The following PDE3B variants were observed in gnomAD, a reference collection of about 807,000 sequenced individuals.
The protein encoded by PDE3B is phosphodiesterase 3B.
Under a neutral mutation model 116.8 loss-of-function variants are expected in PDE3B, and 66 were observed. The ratio of observed to expected loss-of-function variants is 0.56; its 90% CI spans 0.46 to 0.69. The LOEUF (loss-of-function observed/expected upper bound fraction) is 0.69, where lower values mean the gene tolerates loss of function less well. PDE3B is among the 30% of genes least tolerant of loss of function. The pLI is 0.00. For synonymous variants in PDE3B, 595 were observed against 533.6 expected (o/e 1.12, Z -1.59); for missense variants, 1,384 against 1,368.1 (o/e 1.01, Z -0.18).
intron 4 of PDE3B, among the ~76,000 whole-genome samples, chr11:14,796,124 T>C (rs562925153): frequency 6.6e-6 from 1 of 152,140 alleles, no homozygotes; most frequent in South Asian, 2.1e-4. Flanking sequence ...GAACATGTGG[T>C]GTTTGGTTTT....
intron 12 of PDE3B, among the ~76,000 whole-genome samples, chr11:14,851,973 G>A (rs906026002): frequency 4.6e-5 from 7 of 152,198 alleles, no homozygotes; most frequent in African/African-American, 1.7e-4. Context: ...GTTTTATACT[G>A]TTTCTGATGG....
At chr11:14,852,585 G>A (rs1288718752) in intron 12 of PDE3B, among the ~76,000 whole-genome samples, 2 of 152,138 alleles carry the variant, frequency 1.3e-5, no homozygotes, top group Non-Finnish European at 2.9e-5. Flanking sequence ...TCATTGTTAC[G>A]AATTGCCATT....
chr11:14,759,015 A>T (rs1300144606), intron 1 of PDE3B, among the ~76,000 whole-genome samples: 1 of 152,012 alleles, frequency 6.6e-6, no homozygotes, highest in African/African-American at 2.4e-5. Context: ...TTCTGCATCT[A>T]TTGAGATAGT....
chr11:14,845,893 G>C (rs185609526), intron 12 of PDE3B, among the ~76,000 whole-genome samples: 1 of 152,238 alleles, frequency 6.6e-6, no homozygotes, highest in Non-Finnish European at 1.5e-5. Flanking sequence ...GGGGAGAATG[G>C]AACCAAGATG....
chr11:14,850,087 C>A (rs541195165), intron 12 of PDE3B, among the ~76,000 whole-genome samples: 36 of 152,156 alleles, frequency 2.4e-4, no homozygotes, highest in African/African-American at 8.7e-4. Context: ...TGGAACCGAC[C>A]CAAATGTCCA....
In PDE3B at chr11:14,652,399, T is replaced by C. The variant is rs11827484; in HGVS notation, c.978+7346T>C. Among the ~76,000 whole-genome samples, 435 of 152,292 alleles carry C rather than the reference T, an allele frequency of 2.9e-3. 4 individuals are homozygous for C. The highest frequency in any genetic ancestry group is 8.2e-3 in the African/African-American group (342 of 41,582). On this transcript the variant is annotated intron_variant, in intron 1 of 15. Transcript: ENST00000282096. Reference sequence around the variant, plus strand: ...GATTATTGTATCTTTTAGTAAGTTTTGAAATCATGAAGTTTGAGACCTCAA... The same window carrying C: ...GATTATTGTATCTTTTAGTAAGTTTCGAAATCATGAAGTTTGAGACCTCAA...
At position 14,789,367 on chromosome 11, in the gene PDE3B, A is replaced by G. The variant is rs1858315792; in HGVS notation, c.1415+125A>G. 1.4e-5 allele frequency: 9 copies of G among 644,878 alleles called. No homozygotes were observed. In the South Asian group the frequency reaches 1.5e-4, roughly 11 times the overall value. 39.9% of individuals were successfully genotyped at this position (644,878 alleles called of 1,614,324 possible). On this transcript the variant is annotated intron_variant, in intron 4 of 15. Coordinates refer to ENST00000282096, the MANE Select transcript of PDE3B (RefSeq NM_000922.4). ...TGAAGTATTTTAGGTATAGGACAAC[A>G]TGTGTAGTAATAATATGGTAAAATA...
intron 2 of PDE3B, among the ~76,000 whole-genome samples, chr11:14,777,855 C>T (rs1451557566): frequency 1.3e-5 from 2 of 152,156 alleles, no homozygotes; most frequent in South Asian, 2.1e-4. Context: ...CAGGGTGAGG[C>T]ATCACCTCAC....
chr11:14,896,629 GCACCAAA>G, the PDE3B span, among the ~76,000 whole-genome samples: 2 of 152,160 alleles, frequency 1.3e-5, no homozygotes, highest in Non-Finnish European at 2.9e-5. Flanking sequence ...ATTGTAGTCT[GCACCAAA>G]CAACCAGCTT....
intron 1 of PDE3B, among the ~76,000 whole-genome samples, chr11:14,697,822 TAA>T (rs1855255652): frequency 6.6e-6 from 1 of 152,116 alleles, no homozygotes; most frequent in East Asian, 1.9e-4. Context: ...TGTTATTGTA[TAA>T]GTGGTGTTTC....
At chr11:14,697,080 T>C (rs910410454) in intron 1 of PDE3B, among the ~76,000 whole-genome samples, 7 of 151,824 alleles carry the variant, frequency 4.6e-5, no homozygotes, top group African/African-American at 1.7e-4. Context: ...GGGACCACTG[T>C]GCATGCCACC....
At chr11:14,762,479 A>G (rs1388554239) in intron 1 of PDE3B, among the ~76,000 whole-genome samples, 2 of 152,204 alleles carry the variant, frequency 1.3e-5, no homozygotes, top group East Asian at 3.9e-4. Flanking sequence ...AAGGAATAGT[A>G]AATAAACCAA....
intron 1 of PDE3B, among the ~76,000 whole-genome samples, chr11:14,665,873 A>C (rs1284515363): frequency 4.6e-5 from 7 of 152,148 alleles, no homozygotes; most frequent in African/African-American, 1.7e-4. Flanking sequence ...TAATTTATAG[A>C]TTCAATGCCA....
rs140502417 is a variant in PDE3B, at chr11:14,778,694, T to G, written c.1029+6707T>G. On this transcript the variant is annotated intron_variant, in intron 2 of 15. Transcript: ENST00000282096. Reference sequence around the variant, plus strand: ...ACCATCATCAAAGACCAAAGGTAGATAAAACCACAAAGATGGGGAGAAACC... The same window carrying G: ...ACCATCATCAAAGACCAAAGGTAGAGAAAACCACAAAGATGGGGAGAAACC... Among the ~76,000 whole-genome samples, 66 of 152,212 alleles carry G rather than the reference T, an allele frequency of 4.3e-4. 2 individuals carry two copies. In the East Asian group the frequency reaches 0.012, roughly 27 times the overall value.
rs1308677228 is a variant in PDE3B, at chr11:14,871,395, C to A, written c.*1735C>A. On this transcript the variant is annotated 3_prime_UTR_variant, in exon 16 of 16. Coordinates refer to ENST00000282096, the MANE Select transcript of PDE3B (RefSeq NM_000922.4). The stretch of plus-strand genomic sequence containing the variant: ...TATTTGCACTTACAATATATATATC[C>A]TGTCCTTATATTTCTCTAGAGTACA... 1 of 152,058 alleles carries A rather than the reference C, an allele frequency of 6.6e-6. No individual in the cohort carries two copies. The highest frequency in any genetic ancestry group is 1.5e-5 in the Non-Finnish European group (1 of 67,984). The allele number at this position is 152,058 out of a possible 1,614,324, so 9.4% of individuals were successfully genotyped here. A position where few individuals can be genotyped will look rare whatever the true frequency, so the allele number is the denominator to read the frequency against.
intron 1 of PDE3B, among the ~76,000 whole-genome samples, chr11:14,692,625 G>A (rs1343806495): frequency 6.6e-6 from 1 of 152,012 alleles, no homozygotes; most frequent in East Asian, 1.9e-4. Context: ...TGTTACTACT[G>A]TAATTGTTTT....
intron 3 of PDE3B, among the ~76,000 whole-genome samples, chr11:14,787,670 G>A (rs1858253954): frequency 6.6e-6 from 1 of 151,806 alleles, no homozygotes; most frequent in South Asian, 2.1e-4. Context: ...AGTTTATGCA[G>A]TAGCACCTAC....
chr11:14,746,745 G>A (rs1856919460), intron 1 of PDE3B, among the ~76,000 whole-genome samples: 1 of 152,152 alleles, frequency 6.6e-6, no homozygotes, highest in Admixed American at 6.5e-5. Flanking sequence ...TGGAATAGTG[G>A]CAAGAGTATG....
chr11:14,686,556 G>A (rs1441818945), intron 1 of PDE3B, among the ~76,000 whole-genome samples: 1 of 151,992 alleles, frequency 6.6e-6, no homozygotes, highest in Non-Finnish European at 1.5e-5. Context: ...AAAACATCTA[G>A]CTTTCTTTTT....
Sources: gnomAD v4.1 joint callset for allele counts (sites outside exome capture counted in the v4.1 genomes callset) on GRCh38, gnomAD v4.1.1 for gene constraint, MANE v1.5 for transcripts, NCBI Gene and HGNC (gene_info 2026-07-23, HGNC 2026-07-21) for gene names.